TRABD2B: variants seen among roughly 807,000 people sequenced by gnomAD.
TRABD2B encodes TraB domain containing 2B.
In TRABD2B, 14 loss-of-function variants were observed where a neutral mutation model predicts 40.1. The ratio of observed to expected loss-of-function variants is 0.35; its 90% confidence interval spans 0.23 to 0.55. The LOEUF (loss-of-function observed/expected upper bound fraction) is 0.55, where lower values mean the gene tolerates loss of function less well. Among genes scored for constraint, TRABD2B ranks in the 20% least tolerant of loss-of-function variants. TRABD2B has a pLI of 0.90. For missense variants in TRABD2B, 541 were observed against 648.6 expected (o/e 0.83, Z 1.80); for synonymous variants, 263 against 277.0 (o/e 0.95, Z 0.50).
At chr1:47,980,822 A>T (rs1405968668) in intron 2 of TRABD2B, among the ~76,000 whole-genome samples, 4 of 152,028 alleles carry the variant, frequency 2.6e-5, no homozygotes, top group Admixed American at 2.6e-4. Context: ...TAGAAAATGG[A>T]CTATCTCACT....
At chr1:47,966,904 C>CAAATAAAATAAATTA (rs1645611531) in intron 2 of TRABD2B, among the ~76,000 whole-genome samples, 1 of 128,706 alleles carries the variant, frequency 7.8e-6, no homozygotes, top group Non-Finnish European at 1.6e-5. Context: ...GACTCTGTCT[C>CAAATAAAATAAATTA]AAATAAAATA....
At chr1:47,877,466 C>T (rs1056213432) in intron 2 of TRABD2B, among the ~76,000 whole-genome samples, 1 of 152,100 alleles carries the variant, frequency 6.6e-6, no homozygotes, top group African/African-American at 2.4e-5. Context: ...CTCTTCTGTC[C>T]CTTGAATAAA....
At chr1:47,893,117 G>A (rs1644471734) in intron 2 of TRABD2B, among the ~76,000 whole-genome samples, 1 of 152,180 alleles carries the variant, frequency 6.6e-6, no homozygotes, top group African/African-American at 2.4e-5. Context: ...TGGCCCCTCA[G>A]CTGGTGGGTG....
chr1:47,946,909 T>G (rs1645266812), intron 2 of TRABD2B, among the ~76,000 whole-genome samples: 1 of 151,080 alleles, frequency 6.6e-6, no homozygotes, highest in Non-Finnish European at 1.5e-5. Context: ...TAGCTCAAGG[T>G]GATGAAAAAA....
chr1:47,837,155 G>A (rs542627916), intron 2 of TRABD2B, among the ~76,000 whole-genome samples: 20 of 152,208 alleles, frequency 1.3e-4, no homozygotes, highest in Non-Finnish European at 2.6e-4. Context: ...CAGGAAGCCA[G>A]GGCTGGGATG....
intron 2 of TRABD2B, among the ~76,000 whole-genome samples, chr1:47,855,407 C>T (rs1338471671): frequency 1.3e-5 from 2 of 152,234 alleles, no homozygotes; most frequent in Non-Finnish European, 2.9e-5. Flanking sequence ...CATTTTTACT[C>T]TTCTATTACA....
At chr1:47,908,819 C>T (rs768126018) in intron 2 of TRABD2B, among the ~76,000 whole-genome samples, 2 of 152,246 alleles carry the variant, frequency 1.3e-5, no homozygotes, top group Non-Finnish European at 2.9e-5. Flanking sequence ...GGGGCAGTTC[C>T]AGCATTCTGG....
At chr1:47,777,692 C>T (rs1339321210) in intron 5 of TRABD2B, among the ~76,000 whole-genome samples, 1 of 152,212 alleles carries the variant, frequency 6.6e-6, no homozygotes, top group Non-Finnish European at 1.5e-5. Context: ...ATCCAAGCTT[C>T]TTTCAAACTC....
At chr1:47,990,836 A>G (rs865995286) in intron 2 of TRABD2B, among the ~76,000 whole-genome samples, 3 of 89,954 alleles carry the variant, frequency 3.3e-5, no homozygotes, top group Admixed American at 1.4e-4. Context: ...TATATATATA[A>G]AACGTTGGTT....
At chr1:47,767,441 C>T (rs12045022) in intron 6 of TRABD2B, among the ~76,000 whole-genome samples, 15,766 of 152,230 alleles carry the variant, frequency 0.1, 925 homozygotes, top group Admixed American at 0.15. Flanking sequence ...GAAAAAAGAA[C>T]GTACAGAGCC....
intron 2 of TRABD2B, among the ~76,000 whole-genome samples, chr1:47,854,330 T>C (rs1218715445): frequency 6.6e-6 from 1 of 152,222 alleles, no homozygotes; most frequent in Non-Finnish European, 1.5e-5. Flanking sequence ...CATGAGGCTG[T>C]TGCAGCCCCT....
At chr1:47,966,173 G>A (rs573782654) in intron 2 of TRABD2B, among the ~76,000 whole-genome samples, 1 of 152,272 alleles carries the variant, frequency 6.6e-6, no homozygotes, top group Non-Finnish European at 1.5e-5. Context: ...GTGTTATGAC[G>A]TCTGGAAGTG....
chr1:47,986,793 C>A lies in TRABD2B; in HGVS notation c.666+7241G>T, dbSNP rs531160156. On this transcript the variant is annotated intron_variant, in intron 2 of 6. Coordinates refer to ENST00000606738, the MANE Select transcript of TRABD2B (RefSeq NM_001194986.2). ...TTGGGGCAACAGTTTTGTGTTCCAG[C>A]GGATATAGTGCACAGATTTAAAAGC... Among the ~76,000 whole-genome samples, 52 of 152,158 alleles carry A rather than the reference C, an allele frequency of 3.4e-4. 1 individual carries two copies. Among genetic ancestry groups the A allele is most frequent in the East Asian group, 1.9e-4 (1 of 5,180 alleles).
Position 47,763,921 on chromosome 1 carries a change from T to C in TRABD2B, c.*1981A>G, listed in dbSNP as rs894277734. ...AAGGATAAACCAACTCCAGCCTGGA[T>C]TGAGGTCAAGTTCAGTTTAGAGCAT... On this transcript the variant is annotated 3_prime_UTR_variant, in exon 7 of 7. Transcript: ENST00000606738. 3.9e-5 allele frequency: 6 copies of C among 152,278 alleles called. No individual in the cohort carries two copies. Among genetic ancestry groups the C allele is most frequent in the Non-Finnish European group, 7.3e-5 (5 of 68,062 alleles). 9.4% of individuals were successfully genotyped at this position (152,278 alleles called of 1,614,324 possible).
chr1:47,958,883 C>A (rs555425821), intron 2 of TRABD2B, among the ~76,000 whole-genome samples: 1 of 152,324 alleles, frequency 6.6e-6, no homozygotes, highest in South Asian at 2.1e-4. Flanking sequence ...CTACAGAACT[C>A]TCAACCCCAA....
intron 2 of TRABD2B, among the ~76,000 whole-genome samples, chr1:47,969,134 T>C (rs1645645104): frequency 6.6e-6 from 1 of 152,234 alleles, no homozygotes; most frequent in Non-Finnish European, 1.5e-5. Flanking sequence ...ATAGGAGCTC[T>C]GCTCACCATT....
At chr1:47,960,263 G>A (rs1160454568) in intron 2 of TRABD2B, among the ~76,000 whole-genome samples, 1 of 152,170 alleles carries the variant, frequency 6.6e-6, no homozygotes, top group African/African-American at 2.4e-5. Context: ...ATATCATACT[G>A]AATGGGCAAA....
intron 2 of TRABD2B, among the ~76,000 whole-genome samples, chr1:47,811,976 G>A (rs1037001407): frequency 6.6e-6 from 1 of 152,214 alleles, no homozygotes; most frequent in Non-Finnish European, 1.5e-5. Flanking sequence ...TTTCTTCAGA[G>A]CCCTGTGAGG....
At chr1:47,960,893 C>T (rs1185939537) in intron 2 of TRABD2B, among the ~76,000 whole-genome samples, 1 of 151,978 alleles carries the variant, frequency 6.6e-6, no homozygotes, top group Admixed American at 6.6e-5. Flanking sequence ...AAAAAGAGCC[C>T]GCATTGCCAA....
Sources: allele counts gnomAD v4.1 joint callset (sites outside exome capture counted in the v4.1 genomes callset), GRCh38; gene constraint gnomAD v4.1.1; transcripts MANE v1.5; gene names NCBI Gene and HGNC (gene_info 2026-07-23, HGNC 2026-07-21).